Variants in ELL observed in about 807,000 individuals in gnomAD.
ELL encodes elongation factor for RNA polymerase II, also known as RNA polymerase II elongation factor ELL.
A neutral mutation model predicts 64.0 loss-of-function variants in ELL; 18 were observed. The ratio of observed to expected loss-of-function variants is 0.28; its 90% CI spans 0.19 to 0.42. The LOEUF is 0.42. Ranked by LOEUF, ELL falls within the 10% of genes least tolerant of loss-of-function variation. ELL has a pLI of 1.00. For synonymous variants in ELL, 399 were observed against 376.2 expected (o/e 1.06, Z -0.70); for missense variants, 797 against 870.4 (o/e 0.92, Z 1.06).
intron 1 of ELL, among the ~76,000 whole-genome samples, chr19:18,499,728 C>G (rs374583508): frequency 6.6e-6 from 1 of 152,118 alleles, no homozygotes; most frequent in Non-Finnish European, 1.5e-5. Flanking sequence ...CATCTGCTCC[C>G]GAGACAGAGG....
intron 1 of ELL, among the ~76,000 whole-genome samples, chr19:18,517,094 G>C (rs185962717): frequency 3.9e-5 from 6 of 152,054 alleles, no homozygotes; most frequent in Non-Finnish European, 8.8e-5. Flanking sequence ...GCCCCTGGGA[G>C]GGTCACTTCC....
chr19:18,489,789 C>T (rs2144952526), intron 1 of ELL, among the ~76,000 whole-genome samples: 1 of 152,262 alleles, frequency 6.6e-6, no homozygotes, highest in South Asian at 2.1e-4. Context: ...CACTGGGGCC[C>T]CGGCCTCTGG....
chr19:18,472,163 G>C (rs1027715527), intron 2 of ELL, among the ~76,000 whole-genome samples: 1 of 151,962 alleles, frequency 6.6e-6, no homozygotes, highest in Non-Finnish European at 1.5e-5. Flanking sequence ...GTTTCTCTAC[G>C]TTGGTCAGGC....
rs115924416 is a variant in ELL at position 18,486,608 on chromosome 19, G to A, written c.136-13726C>T. On this transcript the variant is annotated intron_variant, in intron 1 of 11. Transcript: ENST00000262809. ...AGCAGAAACCACGCCCTTTCACGGG[G>A]CCCCTGTGTCACGTCAGCCGCCTGG... Among the ~76,000 whole-genome samples the A allele has an allele frequency of 2.3e-3, 347 of 152,280 alleles. 2 individuals carry two copies. The highest frequency in any genetic ancestry group is 8.0e-3 in the African/African-American group (333 of 41,548).
intron 1 of ELL, among the ~76,000 whole-genome samples, chr19:18,484,435 A>T (rs545185529): frequency 6.6e-6 from 1 of 152,280 alleles, no homozygotes. Flanking sequence ...ACTGCACTCC[A>T]GCCTGGGCAA....
At chr19:18,451,861 C>T (rs1974546415) in intron 6 of ELL, among the ~76,000 whole-genome samples, 1 of 152,206 alleles carries the variant, frequency 6.6e-6, no homozygotes. Context: ...TCACTGTCCC[C>T]CTGAGCCCAG....
At chr19:18,518,181 CTG>C (rs1012598237) in intron 1 of ELL, among the ~76,000 whole-genome samples, 2 of 144,770 alleles carry the variant, frequency 1.4e-5, no homozygotes, top group African/African-American at 5.2e-5. Context: ...GAGTGAAACT[CTG>C]TCTCAAAAAA....
At position 18,452,230 on chromosome 19, in the gene ELL, G is replaced by A. The variant is rs945685133; in HGVS notation, c.870-582C>T. Reference sequence around the variant, plus strand: ...CCTGCAGCTTATGGGTATCCTCTCTGACCCAACTGTTCAATTCCCGGGGGC... The same window carrying A: ...CCTGCAGCTTATGGGTATCCTCTCTAACCCAACTGTTCAATTCCCGGGGGC... On this transcript the variant is annotated intron_variant, in intron 6 of 11. Coordinates refer to ENST00000262809, the MANE Select transcript of ELL (RefSeq NM_006532.4). Among the ~76,000 whole-genome samples, 8 of 152,206 alleles carry A rather than the reference G, an allele frequency of 5.3e-5. No individual in the cohort carries two copies. In the East Asian group the frequency reaches 1.2e-3, roughly 22 times the overall value.
chr19:18,489,738 C>T (rs1975488114), intron 1 of ELL, among the ~76,000 whole-genome samples: 1 of 152,158 alleles, frequency 6.6e-6, no homozygotes, highest in Non-Finnish European at 1.5e-5. Context: ...CCAACACCTC[C>T]CCCAAGGCGT....
In ELL at chr19:18,461,946, A is replaced by G. The variant is rs902557544; in HGVS notation, c.470-94T>C. On this transcript the variant is annotated intron_variant, in intron 4 of 11. Transcript: ENST00000262809. ...CAGGTGCCCAGAGGTTTGAGACTAT[A>G]GACAGTGCTGGTGGGAGGCACCACA... 1.1e-5 allele frequency: 16 copies of G among 1,483,590 alleles called. No individual in the cohort carries two copies. The African/African-American group carries it at 1.9e-4, about 18-fold the overall frequency. The allele number at this position is 1,483,590 out of a possible 1,614,324, so 91.9% of individuals were successfully genotyped here.
intron 4 of ELL, among the ~76,000 whole-genome samples, chr19:18,463,944 C>A (rs1000378475): frequency 2.6e-5 from 4 of 151,514 alleles, no homozygotes; most frequent in Middle Eastern, 3.2e-3. Context: ...CGAGATCGCG[C>A]CACTGCACTC....
chr19:18,461,521 G>A (rs999710822), intron 5 of ELL, 57 bp downstream of exon 5: 15 of 1,547,600 alleles, frequency 9.7e-6, no homozygotes, highest in Middle Eastern at 2.3e-4. Flanking sequence ...CATCCCACCC[G>A]CACAAGACCA....
chr19:18,453,956 A>G (rs1005137713), intron 6 of ELL, among the ~76,000 whole-genome samples: 5 of 152,204 alleles, frequency 3.3e-5, no homozygotes, highest in Non-Finnish European at 5.9e-5. Context: ...AAATGTCCAC[A>G]ACAGGCAAAT....
chr19:18,513,357 G>A (rs1039146515), intron 1 of ELL, among the ~76,000 whole-genome samples: 5 of 152,224 alleles, frequency 3.3e-5, no homozygotes, highest in African/African-American at 1.2e-4. Context: ...ACACAAAAAT[G>A]CCCGAAGAAT....
chr19:18,458,467 A>ATGGCCCAC, intron 5 of ELL, 138 bp from the exon 6 acceptor site: 1 of 1,349,772 alleles, frequency 7.4e-7, no homozygotes, highest in Non-Finnish European at 1.0e-6. Context: ...AGGAAAGAGG[A>ATGGCCCAC]TGGCCCACTA....
chr19:18,486,726 C>T (rs1197966244), intron 1 of ELL, among the ~76,000 whole-genome samples: 1 of 152,218 alleles, frequency 6.6e-6, no homozygotes, highest in Non-Finnish European at 1.5e-5. Context: ...ACCCCTGTCC[C>T]AGAAGATAGG....
chr19:18,448,216 G>A (rs574077995), intron 8 of ELL: 7 of 152,086 alleles, frequency 4.6e-5, no homozygotes, highest in African/African-American at 1.4e-4. Flanking sequence ...GATTATAGGC[G>A]GAACCACTGT....
chr19:18,446,527 G>A lies in ELL; in HGVS notation c.1533-47C>T, dbSNP rs1425468529. On this transcript the variant is annotated intron_variant, in intron 9 of 11. Coordinates refer to ENST00000262809, the MANE Select transcript of ELL (RefSeq NM_006532.4). ...ACTGAGTGGAGGCTGGAAGGACCCA[G>A]CCCCACCCAGGAAGTGGCCATCCTG... The A allele has an allele frequency of 4.4e-6, 7 of 1,587,880 alleles. No individual in the cohort carries two copies. In the Admixed American group the frequency reaches 1.2e-4, roughly 28 times the overall value.
At chr19:18,509,030 C>G (rs1371190175) in intron 1 of ELL, among the ~76,000 whole-genome samples, 4 of 152,152 alleles carry the variant, frequency 2.6e-5, no homozygotes, top group Admixed American at 2.6e-4. Flanking sequence ...CAAAAAGAGA[C>G]CCTGTGAGTC....
Sources: gnomAD v4.1 joint callset for allele counts (sites outside exome capture counted in the v4.1 genomes callset) on GRCh38, gnomAD v4.1.1 for gene constraint, MANE v1.5 for transcripts, NCBI Gene and HGNC (gene_info 2026-07-23, HGNC 2026-07-21) for gene names.